The following HVCN1 variants were observed in gnomAD, a reference collection of about 807,000 sequenced individuals.
The protein encoded by HVCN1 is hydrogen voltage gated channel 1, also known as voltage-gated hydrogen channel 1.
HVCN1 carries 14 observed loss-of-function variants against 29.2 expected under a neutral mutation model. The observed-to-expected ratio is 0.48, with a 90% CI of 0.32 to 0.75. The LOEUF (loss-of-function observed/expected upper bound fraction) is 0.75. Among genes scored for constraint, HVCN1 ranks in the 30% least tolerant of loss-of-function variants. The pLI, the probability that HVCN1 is intolerant of heterozygous loss-of-function variation, is 0.04. For synonymous variants in HVCN1, 131 were observed against 133.2 expected, an observed-to-expected ratio of 0.98 and a Z score of 0.11; for missense variants, 263 against 341.8, an observed-to-expected ratio of 0.77 and a Z score of 1.82.
chr12:110,700,061 C>T (rs900732120), intron 2 of HVCN1, among the ~76,000 whole-genome samples: 8 of 152,318 alleles, frequency 5.3e-5, no homozygotes, highest in South Asian at 2.1e-4. Flanking sequence ...GCCACCTCTC[C>T]GAGGAATTGC....
chr12:110,703,795 G>A (rs757666509), intron 1 of HVCN1, among the ~76,000 whole-genome samples: 1 of 151,690 alleles, frequency 6.6e-6, no homozygotes, highest in South Asian at 2.1e-4. Flanking sequence ...AGCGATTCTC[G>A]TGTCTCAGCC....
At chr12:110,699,806 T>C (rs187420564) in intron 2 of HVCN1, among the ~76,000 whole-genome samples, 49 of 152,276 alleles carry the variant, frequency 3.2e-4, no homozygotes, top group Non-Finnish European at 5.6e-4. Flanking sequence ...GTTAGGATTA[T>C]GTTCTGCGCA....
intron 7 of HVCN1, 77 bp from the exon 8 acceptor site, chr12:110,649,552 C>A: frequency 9.5e-7 from 1 of 1,057,366 alleles, no homozygotes; most frequent in Non-Finnish European, 1.4e-6. Flanking sequence ...TTCAGTGAGC[C>A]CCAGGCACAG....
chr12:110,675,413 C>G (rs775461217), intron 3 of HVCN1, among the ~76,000 whole-genome samples: 3 of 151,366 alleles, frequency 2.0e-5, no homozygotes, highest in Non-Finnish European at 4.4e-5. Flanking sequence ...GAGCCAAGAT[C>G]GTGCCACTGC....
chr12:110,661,565 T>A lies in HVCN1; in HGVS notation c.22-117A>T. 1.1e-6 allele frequency: 1 copy of A among 893,848 alleles called. No individual in the cohort carries two copies. Among genetic ancestry groups the A allele is most frequent in the Non-Finnish European group, 1.7e-6 (1 of 590,450 alleles). 55.4% of individuals were successfully genotyped at this position (893,848 alleles called of 1,614,324 possible). A position where few individuals can be genotyped will look rare whatever the true frequency, so the allele number is the denominator to read the frequency against. On this transcript the variant is annotated intron_variant, in intron 3 of 7. Coordinates refer to ENST00000242607, the MANE Select transcript of HVCN1 (RefSeq NM_032369.4). The surrounding 1 kb of genome is among the most constrained non-coding windows in gnomAD (Gnocchi z 6.2). Reference sequence around the variant, plus strand: ...ATGGTCCCGGGTGCGTAGAACCCCCTGCAAGCAGAGACCATGAGGTCACGG... The same window carrying A: ...ATGGTCCCGGGTGCGTAGAACCCCCAGCAAGCAGAGACCATGAGGTCACGG...
chr12:110,664,924 T>C (rs953535201), intron 3 of HVCN1, among the ~76,000 whole-genome samples: 1 of 152,186 alleles, frequency 6.6e-6, no homozygotes, highest in Non-Finnish European at 1.5e-5. Flanking sequence ...TTGGGAGATA[T>C]GTGAGTTCCC....
chr12:110,663,456 G>T (rs976375027), intron 3 of HVCN1, among the ~76,000 whole-genome samples: 2 of 151,536 alleles, frequency 1.3e-5, no homozygotes. Flanking sequence ...AAAAAAATTA[G>T]CCAGGCATGG....
At chr12:110,696,603 T>C (rs1049916613) in intron 2 of HVCN1, among the ~76,000 whole-genome samples, 1 of 152,082 alleles carries the variant, frequency 6.6e-6, no homozygotes, top group African/African-American at 2.4e-5. Context: ...CCCATTCCTG[T>C]CTCCCTCCAG....
At chr12:110,695,403 T>C (rs1053086051) in intron 2 of HVCN1, among the ~76,000 whole-genome samples, 6 of 145,688 alleles carry the variant, frequency 4.1e-5, no homozygotes, top group Non-Finnish European at 7.6e-5. Flanking sequence ...CACACACACA[T>C]GACCTAGCCA....
Position 110,658,590 on chromosome 12 carries a change from T to C in HVCN1, c.306+2574A>G, listed in dbSNP as rs1191257952. On this transcript the variant is annotated intron_variant, in intron 4 of 7. Coordinates refer to ENST00000242607, the MANE Select transcript of HVCN1 (RefSeq NM_032369.4). This position sits in a 1 kb window ranked among gnomAD's most constrained non-coding sequence, Gnocchi z 5.0. ...GCCATCCACCCATCGGGCTCACTCCTGCTCAGCATGCAGGTGTCACCTCCT... is the reference window on the plus strand; with the variant it reads ...GCCATCCACCCATCGGGCTCACTCCCGCTCAGCATGCAGGTGTCACCTCCT... Among the ~76,000 whole-genome samples the C allele has an allele frequency of 6.6e-6, 1 of 152,174 alleles. No homozygotes were observed. The highest frequency in any genetic ancestry group is 1.5e-5 in the Non-Finnish European group (1 of 68,014).
rs1364784260 is a variant in HVCN1 at position 110,650,702 on chromosome 12, T to G, written c.644-422A>C. 4.0e-5 allele frequency among the ~76,000 whole-genome samples: 6 copies of G among 151,506 alleles called. No individual in the cohort carries two copies. The South Asian group carries it at 1.0e-3, about 26-fold the overall frequency. On this transcript the variant is annotated intron_variant, in intron 6 of 7. Transcript: ENST00000242607. ...TCCTTTGACAAGAGTCCAGTTTTTT[T>G]TTTTTTTTTTGAGATGGGGTCTGGC...
chr12:110,696,450 T>C (rs911753277), intron 2 of HVCN1, among the ~76,000 whole-genome samples: 4 of 151,974 alleles, frequency 2.6e-5, no homozygotes, highest in Admixed American at 2.6e-4. Context: ...CATAGTGGCA[T>C]GCACCTGGAA....
intron 3 of HVCN1, among the ~76,000 whole-genome samples, chr12:110,665,629 C>T (rs938981368): frequency 6.6e-6 from 1 of 150,670 alleles, no homozygotes; most frequent in Non-Finnish European, 1.5e-5. Context: ...ACAGATATTA[C>T]AAATATATTC....
chr12:110,698,513 C>G (rs938497047), intron 2 of HVCN1, among the ~76,000 whole-genome samples: 4 of 152,212 alleles, frequency 2.6e-5, no homozygotes, highest in African/African-American at 9.6e-5. Context: ...GCCGCTGCAG[C>G]ACTGGAGCAG....
At chr12:110,697,926 A>G (rs2069518114) in intron 2 of HVCN1, among the ~76,000 whole-genome samples, 1 of 152,182 alleles carries the variant, frequency 6.6e-6, no homozygotes, top group Non-Finnish European at 1.5e-5. Flanking sequence ...CTGGGATTAC[A>G]GGCATAAGCC....
chr12:110,656,219 G>A (rs1025192917), intron 4 of HVCN1, among the ~76,000 whole-genome samples: 9 of 152,294 alleles, frequency 5.9e-5, no homozygotes, highest in Middle Eastern at 3.4e-3. Flanking sequence ...CCCAGCTCTC[G>A]TGTGCTCATA....
chr12:110,662,804 C>A (rs1025583392), intron 3 of HVCN1, among the ~76,000 whole-genome samples: 1 of 152,140 alleles, frequency 6.6e-6, no homozygotes, highest in Non-Finnish European at 1.5e-5. Context: ...CCCACACACA[C>A]CCTACAAAGT....
intron 4 of HVCN1, 86 bp from the exon 5 acceptor site, chr12:110,655,424 C>T (rs905302205): frequency 2.0e-5 from 21 of 1,035,934 alleles, no homozygotes; most frequent in Admixed American, 1.5e-4. Flanking sequence ...CTTGGAAGCA[C>T]GTGGGTGAAA....
chr12:110,703,662 GTTTA>G (rs1317208206), intron 1 of HVCN1, among the ~76,000 whole-genome samples: 3 of 148,220 alleles, frequency 2.0e-5, no homozygotes, highest in African/African-American at 7.4e-5. Context: ...GCCCCACTTT[GTTTA>G]TTTATTTATT....
Sources: allele counts gnomAD v4.1 joint callset (sites outside exome capture counted in the v4.1 genomes callset), GRCh38; gene constraint gnomAD v4.1.1; non-coding constraint Gnocchi (gnomAD v3.1); transcripts MANE v1.5; gene names NCBI Gene and HGNC (gene_info 2026-07-23, HGNC 2026-07-21).